SPON2: variants seen among roughly 807,000 people sequenced by gnomAD.
SPON2 encodes the protein spondin-2.
SPON2 carries 32 observed loss-of-function variants against 29.9 expected under a neutral mutation model. That is an observed-to-expected ratio of 1.07 (90% CI 0.81 to 1.44). SPON2 has a LOEUF of 1.44. SPON2 is among the 40% of genes most tolerant of loss of function. The probability of loss-of-function intolerance (pLI) is 0.00; values close to 1 mark genes in which losing one functional copy is unlikely to be tolerated. For synonymous variants in SPON2, 248 were observed against 209.1 expected, an observed-to-expected ratio of 1.19 and a Z score of -1.61; for missense variants, 541 against 455.5, an observed-to-expected ratio of 1.19 and a Z score of -1.71.
Position 1,171,298 on chromosome 4 carries a change from A to G in SPON2, c.409T>C (p.Ser137Pro). 1 of 1,586,898 alleles carries G rather than the reference A, an allele frequency of 6.3e-7. No homozygotes were observed. The highest frequency in any genetic ancestry group is 1.1e-5 in the South Asian group (1 of 88,850). ...PAVPSGTGQT[S>P]AELEVQRRHS... ...CTGCGCTGCACCTCCAGCTCCGCCG[A>G]CGTCTGCCCGGTGCCGCTGGGGACG... Residue 137 changes from serine to proline, a missense_variant, in exon 3 of 6, where the codon TCG becomes CCG. Coordinates refer to ENST00000290902, the MANE Select transcript of SPON2 (RefSeq NM_012445.4).
At chr4:1,207,273 G>A (rs1017386896) in intron 1 of SPON2, among the ~76,000 whole-genome samples, 1 of 152,136 alleles carries the variant, frequency 6.6e-6, no homozygotes, top group South Asian at 2.1e-4. Context: ...TGGGAGGGAT[G>A]TGGGTGAGTC....
At chr4:1,169,376 AG>A (rs1465655897) in intron 5 of SPON2, among the ~76,000 whole-genome samples, 26 of 152,224 alleles carry the variant, frequency 1.7e-4, no homozygotes, top group Admixed American at 1.3e-3. Flanking sequence ...TGCACTGGGC[AG>A]GGGCAGCACC....
intron 1 of SPON2, among the ~76,000 whole-genome samples, chr4:1,194,608 G>T (rs1727998038): frequency 6.6e-6 from 1 of 152,160 alleles, no homozygotes; most frequent in Non-Finnish European, 1.5e-5. Flanking sequence ...GGAGGCCCCG[G>T]GAAGAGTCCC....
In SPON2 at chr4:1,170,517, G is replaced by A; in HGVS notation, c.696C>T (p.Ala232=). The stretch of plus-strand genomic sequence containing the variant: ...GTGTCACCCTGGCGATGGGAGGCAG[G>A]GCCTTCAGCCGCGGGTAGTAGAAGG... ...ANSFYYPRLK[A]LPPIARVTLV... Residue 232 remains alanine, a synonymous_variant, in exon 5 of 6, where the codon GCC becomes GCT. Coordinates refer to ENST00000290902, the MANE Select transcript of SPON2 (RefSeq NM_012445.4). The A allele has an allele frequency of 6.2e-7, 1 of 1,614,000 alleles. No homozygotes were observed. Among genetic ancestry groups the A allele is most frequent in the African/African-American group, 1.3e-5 (1 of 75,034 alleles).
chr4:1,198,089 T>C (rs1225189874), upstream of SPON2, among the ~76,000 whole-genome samples: 2 of 151,334 alleles, frequency 1.3e-5, no homozygotes, highest in African/African-American at 2.4e-5. Flanking sequence ...ACTACCTCTA[T>C]TTAGAATTTT....
At position 1,171,873 on chromosome 4, in the gene SPON2, C is replaced by CAGGG. The variant is rs1273102883; in HGVS notation, c.195_198dup (p.Ala67ProfsTer13). 1 of 1,612,806 alleles carries CAGGG rather than the reference C, an allele frequency of 6.2e-7. No individual in the cohort carries two copies. The highest frequency in any genetic ancestry group is 1.1e-5 in the South Asian group (1 of 91,084). On this transcript the variant is annotated frameshift_variant, in exon 2 of 6. Transcript: ENST00000290902. LOFTEE classifies it high-confidence loss of function. Reference sequence around the variant, plus strand: ...TTACCCAGCAGCGAAGACCACTGCGCAGGGGGGCGGAACAGGGGGTACTGC... The same window carrying CAGGG: ...TTACCCAGCAGCGAAGACCACTGCGCAGGGAGGGGGGCGGAACAGGGGGTACTGC...
intron 1 of SPON2, among the ~76,000 whole-genome samples, chr4:1,180,117 A>C (rs1000962927): frequency 1.3e-5 from 2 of 152,118 alleles, no homozygotes; most frequent in African/African-American, 4.8e-5. Context: ...CTGAGCTCAT[A>C]CTTCTGACTG....
chr4:1,205,271 G>C (rs1315944658), intron 1 of SPON2, among the ~76,000 whole-genome samples: 1 of 152,224 alleles, frequency 6.6e-6, no homozygotes, highest in East Asian at 1.9e-4. Flanking sequence ...TGGGGAAGAG[G>C]CCATGCCCGG....
Position 1,171,836 on chromosome 4 carries a change from A to AG in SPON2, c.220+15dup. ...CCTCCTGGTGGAGCAGGAGGCGAGG[A>AG]GGGGGCTGTACTTACCCAGCAGCGA... On this transcript the variant is annotated intron_variant, in intron 2 of 5. Transcript: ENST00000290902. 14 of 1,583,416 alleles carry AG rather than the reference A, an allele frequency of 8.8e-6. No homozygotes were observed. The highest frequency in any genetic ancestry group is 1.2e-5 in the Non-Finnish European group (14 of 1,153,368).
Position 1,200,901 on chromosome 4 carries a change from G to A in SPON2, c.-234+6979C>T, listed in dbSNP as rs577928569. The A allele has an allele frequency of 1.5e-4, 67 of 456,696 alleles. No individual in the cohort carries two copies. In the East Asian group the frequency reaches 3.9e-3, roughly 27 times the overall value. 28.3% of individuals were successfully genotyped at this position (456,696 alleles called of 1,614,324 possible). On this transcript the variant is annotated intron_variant, in intron 1 of 3. Transcript: ENST00000509233. ...ACCCTGACCACTGACTGAGCACCAC[G>A]TGGTGCCTCTGCCCTGGATGTGGGC...
intron 1 of SPON2, among the ~76,000 whole-genome samples, chr4:1,184,394 C>A (rs1393505008): frequency 6.6e-6 from 1 of 152,110 alleles, no homozygotes. Context: ...TTCAAAGACA[C>A]AAGTACACTG....
Position 1,202,353 on chromosome 4 carries a change from G to A in SPON2, c.-234+5527C>T, listed in dbSNP as rs998760923. ...CAGTCCCCACCTCCCGGCACTCCAC[G>A]GGGTCTAAGTTTCAGCCTGAGCTTT... On this transcript the variant is annotated intron_variant, in intron 1 of 3. Transcript: ENST00000509233. The surrounding 1 kb of genome is among the most constrained non-coding windows in gnomAD (Gnocchi z 5.4). 3.9e-5 allele frequency among the ~76,000 whole-genome samples: 6 copies of A among 152,198 alleles called. No homozygotes were observed. The highest frequency in any genetic ancestry group is 7.3e-5 in the Non-Finnish European group (5 of 68,038).
At chr4:1,207,777 C>T (rs1389882006) in intron 1 of SPON2, 1 of 154,564 alleles carries the variant, frequency 6.5e-6, no homozygotes, top group East Asian at 1.9e-4. Context: ...TGTTTTCGGA[C>T]CCTACATGGG....
upstream of SPON2, among the ~76,000 whole-genome samples, chr4:1,197,596 G>A (rs1055886948): frequency 2.6e-5 from 4 of 151,460 alleles, no homozygotes; most frequent in African/African-American, 9.7e-5. Context: ...TAAGAAACTA[G>A]AATGAGAACA....
intron 1 of SPON2, chr4:1,201,092 AT>A (rs780520935): frequency 1.5e-4 from 68 of 454,172 alleles, no homozygotes; most frequent in African/African-American, 1.3e-3. Context: ...GCGCCCATGG[AT>A]GCACCCTGCC....
upstream of SPON2, among the ~76,000 whole-genome samples, chr4:1,174,467 A>G (rs1410322508): frequency 6.7e-6 from 1 of 149,488 alleles, no homozygotes; most frequent in Non-Finnish European, 1.5e-5. Flanking sequence ...AGCCTGGGCA[A>G]CAGAGCGAGA....
intron 1 of SPON2, among the ~76,000 whole-genome samples, chr4:1,188,661 C>T (rs1056144164): frequency 2.6e-5 from 4 of 152,048 alleles, no homozygotes; most frequent in Non-Finnish European, 4.4e-5. Flanking sequence ...GACACAGAGC[C>T]CCAAGATACA....
intron 1 of SPON2, among the ~76,000 whole-genome samples, chr4:1,183,193 G>C (rs1003600610): frequency 2.1e-5 from 3 of 140,180 alleles, no homozygotes; most frequent in African/African-American, 8.0e-5. Flanking sequence ...AGTCAGCAGA[G>C]ATCGCACCAC....
chr4:1,188,913 G>A (rs935107733), intron 1 of SPON2, among the ~76,000 whole-genome samples: 3 of 152,148 alleles, frequency 2.0e-5, no homozygotes, highest in African/African-American at 7.2e-5. Context: ...TGGAATGTCT[G>A]ACAGAATAAA....
Sources: allele counts gnomAD v4.1 joint callset (sites outside exome capture counted in the v4.1 genomes callset), GRCh38; gene constraint gnomAD v4.1.1; non-coding constraint Gnocchi (gnomAD v3.1); transcripts MANE v1.5; gene names NCBI Gene and HGNC (gene_info 2026-07-23, HGNC 2026-07-21).